The following ARNT variants were observed in gnomAD, a reference collection of about 807,000 sequenced individuals.
ARNT encodes the protein aryl hydrocarbon receptor nuclear translocator.
ARNT carries 30 observed loss-of-function variants against 105.0 expected under a neutral mutation model. That is an observed-to-expected ratio of 0.29 (90% CI 0.21 to 0.39). The LOEUF (loss-of-function observed/expected upper bound fraction) is 0.39. Ranked by LOEUF, ARNT falls within the 10% of genes least tolerant of loss-of-function variation. The probability of loss-of-function intolerance (pLI) is 1.00; values close to 1 mark genes in which losing one functional copy is unlikely to be tolerated. For missense variants in ARNT, 748 were observed against 978.7 expected (o/e 0.76, Z 3.15); for synonymous variants, 304 against 344.0 (o/e 0.88, Z 1.29).
At chr1:150,848,692 C>A (rs1662726323) in intron 3 of ARNT, among the ~76,000 whole-genome samples, 1 of 151,988 alleles carries the variant, frequency 6.6e-6, no homozygotes, top group Non-Finnish European at 1.5e-5. Flanking sequence ...GCACTTCCAG[C>A]TAATTTTTGT....
At chr1:150,819,859 C>T (rs1449667300) in intron 14 of ARNT, among the ~76,000 whole-genome samples, 1 of 152,086 alleles carries the variant, frequency 6.6e-6, no homozygotes, top group Non-Finnish European at 1.5e-5. Context: ...GTAAGAGTTA[C>T]ATAACTATGT....
At chr1:150,863,285 G>A (rs950092108) in intron 1 of ARNT, among the ~76,000 whole-genome samples, 1 of 151,814 alleles carries the variant, frequency 6.6e-6, no homozygotes, top group African/African-American at 2.4e-5. Context: ...TCGCCTGGGA[G>A]GCAAAGGCTG....
chr1:150,815,815 G>T (rs1340650658), intron 19 of ARNT, among the ~76,000 whole-genome samples: 1 of 142,818 alleles, frequency 7.0e-6, no homozygotes, highest in African/African-American at 2.6e-5. Context: ...AGTGAGCCAA[G>T]ATCGCACCAC....
At chr1:150,835,248 CGAA>C (rs1326347861) in intron 7 of ARNT, among the ~76,000 whole-genome samples, 3 of 150,392 alleles carry the variant, frequency 2.0e-5, no homozygotes, top group African/African-American at 7.3e-5. Context: ...TATACAGAAA[CGAA>C]GAACAACTTT....
intron 15 of ARNT, 89 bp downstream of exon 15, chr1:150,817,831 A>AT (rs2101623310): frequency 1.8e-6 from 2 of 1,114,782 alleles, no homozygotes; most frequent in African/African-American, 1.6e-5. Flanking sequence ...AAAAAAAAAA[A>AT]TTAACCAACC....
At chr1:150,857,517 A>C (rs1385196290) in intron 2 of ARNT, among the ~76,000 whole-genome samples, 1 of 152,214 alleles carries the variant, frequency 6.6e-6, no homozygotes, top group Non-Finnish European at 1.5e-5. Flanking sequence ...GAACCCAAGC[A>C]TCACTCTTCC....
At chr1:150,829,502 A>C in intron 11 of ARNT, 1 of 598,018 alleles carries the variant, frequency 1.7e-6, no homozygotes. Flanking sequence ...TGCTGAACTC[A>C]TTACTCAGGT....
chr1:150,819,526 C>T (rs748813479), intron 14 of ARNT, among the ~76,000 whole-genome samples: 4 of 152,242 alleles, frequency 2.6e-5, no homozygotes, highest in Non-Finnish European at 4.4e-5. Flanking sequence ...TGTCCATTAA[C>T]GAACATACAG....
chr1:150,849,280 T>C (rs905677570), intron 3 of ARNT, among the ~76,000 whole-genome samples: 1 of 152,110 alleles, frequency 6.6e-6, no homozygotes, highest in African/African-American at 2.4e-5. Flanking sequence ...TTTTTTTTCA[T>C]TGGGCTCCTT....
At chr1:150,846,832 CT>C (rs1442756455) in intron 3 of ARNT, among the ~76,000 whole-genome samples, 2 of 152,184 alleles carry the variant, frequency 1.3e-5, no homozygotes, top group Non-Finnish European at 2.9e-5. Flanking sequence ...ATGAATTTGA[CT>C]ACTTGTAGAT....
chr1:150,819,242 A>G (rs1656578204), intron 14 of ARNT, among the ~76,000 whole-genome samples: 2 of 151,824 alleles, frequency 1.3e-5, no homozygotes, highest in African/African-American at 4.8e-5. Flanking sequence ...AAAAAAGGCA[A>G]TAACAAGTGT....
chr1:150,829,863 C>G, intron 11 of ARNT, 41 bp downstream of exon 11: 1 of 1,596,384 alleles, frequency 6.3e-7, no homozygotes, highest in South Asian at 1.1e-5. Context: ...AAGATCTGCT[C>G]TAATTGAACG....
At chr1:150,853,349 G>A (rs1298516464) in intron 2 of ARNT, 1 of 272,150 alleles carries the variant, frequency 3.7e-6, no homozygotes, top group African/African-American at 2.3e-5. Context: ...CACTTTCCTA[G>A]AGTAGCAGTC....
At position 150,810,078 on chromosome 1, in the gene ARNT, CACACA is replaced by C. The variant is rs1198482187; in HGVS notation, c.*1938_*1942del. On this transcript the variant is annotated 3_prime_UTR_variant, in exon 22 of 22. Coordinates refer to ENST00000358595, the MANE Select transcript of ARNT (RefSeq NM_001668.4). ...GGAATGATAAAGCCGCAATCAAGAT[CACACA>C]ACACAAGAAATTTTACAAAAGGAAA... The C allele has an allele frequency of 1.7e-5, 4 of 230,026 alleles. No individual in the cohort carries two copies. Among genetic ancestry groups the C allele is most frequent in the Non-Finnish European group, 2.6e-5 (3 of 115,828 alleles). The allele number at this position is 230,026 out of a possible 1,614,324, so 14.2% of individuals were successfully genotyped here.
intron 1 of ARNT, among the ~76,000 whole-genome samples, chr1:150,859,213 T>G (rs371836643): frequency 6.6e-6 from 1 of 152,082 alleles, no homozygotes; most frequent in African/African-American, 2.4e-5. Flanking sequence ...TTCCAATACT[T>G]AAAAGAAAAT....
intron 16 of ARNT, 65 bp from the exon 17 acceptor site, chr1:150,817,267 T>C: frequency 6.2e-7 from 1 of 1,612,222 alleles, no homozygotes; most frequent in Non-Finnish European, 8.5e-7. Flanking sequence ...AACCCTAAAA[T>C]TCATATACAA....
At chr1:150,854,506 G>A (rs1471932828) in intron 2 of ARNT, among the ~76,000 whole-genome samples, 1 of 151,994 alleles carries the variant, frequency 6.6e-6, no homozygotes, top group African/African-American at 2.4e-5. Context: ...AGGCTGCAGT[G>A]AGCTGAGATT....
intron 14 of ARNT, among the ~76,000 whole-genome samples, chr1:150,819,072 G>A (rs1656532554): frequency 6.6e-6 from 1 of 152,052 alleles, no homozygotes; most frequent in Non-Finnish European, 1.5e-5. Context: ...TCTAAAGACT[G>A]AATTGGACAA....
chr1:150,859,507 T>G (rs1665222773), intron 1 of ARNT, among the ~76,000 whole-genome samples: 1 of 151,562 alleles, frequency 6.6e-6, no homozygotes, highest in South Asian at 2.1e-4. Context: ...CCACCACACC[T>G]CGGTGATTTT....
Sources: allele counts gnomAD v4.1 joint callset (sites outside exome capture counted in the v4.1 genomes callset), GRCh38; gene constraint gnomAD v4.1.1; transcripts MANE v1.5; gene names NCBI Gene and HGNC (gene_info 2026-07-23, HGNC 2026-07-21).